CNTN5: variants seen among roughly 807,000 people sequenced by gnomAD.
CNTN5 encodes contactin-5.
Under a neutral mutation model 129.1 loss-of-function variants are expected in CNTN5, and 77 were observed. That is an observed-to-expected ratio of 0.60 (90% CI 0.50 to 0.72). The LOEUF (loss-of-function observed/expected upper bound fraction) is 0.72. Among genes scored for constraint, CNTN5 ranks in the 30% least tolerant of loss-of-function variants. The pLI is 0.00. For missense variants in CNTN5, 1,478 were observed against 1,328.8 expected, an observed-to-expected ratio of 1.11 and a Z score of -1.75; for synonymous variants, 509 against 465.6, an observed-to-expected ratio of 1.09 and a Z score of -1.20.
intron 3 of CNTN5, among the ~76,000 whole-genome samples, chr11:99,725,622 G>A (rs992757276): frequency 6.6e-6 from 1 of 152,114 alleles, no homozygotes; most frequent in African/African-American, 2.4e-5. Context: ...AACTAAATAT[G>A]TTTAGTAAAT....
At chr11:99,380,736 C>G (rs78647322) in intron 2 of CNTN5, among the ~76,000 whole-genome samples, 7,467 of 134,360 alleles carry the variant, frequency 0.056, 403 homozygotes, top group East Asian at 0.21. Flanking sequence ...CCATTGCACT[C>G]CAGCCTGGGC....
At chr11:100,287,178 ACT>A (rs1264686974) in intron 18 of CNTN5, among the ~76,000 whole-genome samples, 2 of 152,332 alleles carry the variant, frequency 1.3e-5, no homozygotes, top group Admixed American at 6.5e-5. Flanking sequence ...GTTGGAAAAC[ACT>A]CTGCAGAATA....
rs1409351946 is a variant in CNTN5 at position 99,440,534 on chromosome 11, G to C, written c.-71+115050G>C. On this transcript the variant is annotated intron_variant, in intron 2 of 24. Coordinates refer to ENST00000524871, the MANE Select transcript of CNTN5 (RefSeq NM_014361.4). ...CAAAGACTTTCAGAATTATTTGTAG[G>C]TTACCTGTTCAGATAGATAATCACT... Among the ~76,000 whole-genome samples, 4 of 152,184 alleles carry C rather than the reference G, an allele frequency of 2.6e-5. No homozygotes were observed. In the East Asian group the frequency reaches 7.7e-4, roughly 29 times the overall value.
At chr11:100,117,169 G>A (rs1227154163) in intron 13 of CNTN5, among the ~76,000 whole-genome samples, 2 of 151,932 alleles carry the variant, frequency 1.3e-5, no homozygotes, top group East Asian at 3.9e-4. Flanking sequence ...TAGATTTTAG[G>A]CAAAAACATT....
At chr11:99,228,397 G>A (rs1299561166) in intron 1 of CNTN5, among the ~76,000 whole-genome samples, 1 of 152,002 alleles carries the variant, frequency 6.6e-6, no homozygotes, top group Non-Finnish European at 1.5e-5. Context: ...ACAGTTAGAA[G>A]AAATAAGTTC....
chr11:99,515,416 A>G, intron 2 of CNTN5, among the ~76,000 whole-genome samples: 1 of 152,188 alleles, frequency 6.6e-6, no homozygotes, highest in African/African-American at 2.4e-5. Context: ...ATAAAAATGC[A>G]TTGTTGTAGT....
intron 3 of CNTN5, among the ~76,000 whole-genome samples, chr11:99,575,914 G>A (rs893407720): frequency 1.3e-5 from 2 of 152,126 alleles, no homozygotes; most frequent in African/African-American, 2.4e-5. Flanking sequence ...AGATTAGAAG[G>A]AACTTCCAAA....
At chr11:99,341,007 C>T (rs1866486654) in intron 2 of CNTN5, among the ~76,000 whole-genome samples, 2 of 152,126 alleles carry the variant, frequency 1.3e-5, no homozygotes, top group South Asian at 2.1e-4. Flanking sequence ...AAAGGTCATA[C>T]TTTGGGTGAC....
chr11:99,957,063 G>T, intron 8 of CNTN5, 54 bp downstream of exon 8: 1 of 1,474,100 alleles, frequency 6.8e-7, no homozygotes, highest in Non-Finnish European at 9.3e-7. Flanking sequence ...GGAAAATAAA[G>T]ATGTATTAGT....
At chr11:99,753,119 C>CTTTTTTTTTTTTTTTTTT (rs375324214) in intron 3 of CNTN5, among the ~76,000 whole-genome samples, 2 of 93,110 alleles carry the variant, frequency 2.1e-5, no homozygotes, top group East Asian at 3.7e-4. Flanking sequence ...GCCATATTTG[C>CTTTTTTTTTTTTTTTTTT]TTTTTTTTTT....
intron 2 of CNTN5, among the ~76,000 whole-genome samples, chr11:99,353,674 A>G (rs1938451019): frequency 6.6e-6 from 1 of 152,158 alleles, no homozygotes; most frequent in South Asian, 2.1e-4. Flanking sequence ...CAGTTCCACT[A>G]ATGAGGATAG....
At chr11:99,056,960 A>G (rs1465985015) in intron 1 of CNTN5, among the ~76,000 whole-genome samples, 1 of 151,948 alleles carries the variant, frequency 6.6e-6, no homozygotes, top group Non-Finnish European at 1.5e-5. Context: ...CTGGCTGCCC[A>G]ACACCACTTT....
intron 1 of CNTN5, among the ~76,000 whole-genome samples, chr11:99,021,732 A>G (rs866944108): frequency 2.0e-5 from 3 of 152,322 alleles, no homozygotes; most frequent in Middle Eastern, 3.4e-3. Flanking sequence ...AACTTGTTAA[A>G]ATTCAGTAGG....
intron 1 of CNTN5, among the ~76,000 whole-genome samples, chr11:99,042,671 G>A (rs1365416934): frequency 2.6e-5 from 4 of 151,874 alleles, no homozygotes; most frequent in Admixed American, 2.0e-4. Flanking sequence ...CACCGCGCCC[G>A]GCCACCTCCC....
At chr11:99,919,665 A>G (rs1949886685) in intron 7 of CNTN5, among the ~76,000 whole-genome samples, 1 of 152,134 alleles carries the variant, frequency 6.6e-6, no homozygotes, top group Non-Finnish European at 1.5e-5. Flanking sequence ...TGGTACATTT[A>G]TATAATTGTG....
intron 1 of CNTN5, among the ~76,000 whole-genome samples, chr11:99,050,465 C>A (rs993521098): frequency 1.3e-5 from 2 of 151,628 alleles, no homozygotes; most frequent in African/African-American, 4.8e-5. Context: ...GAAAAAAATT[C>A]TCCAATATCA....
intron 13 of CNTN5, among the ~76,000 whole-genome samples, chr11:100,169,672 C>T (rs1947765819): frequency 6.6e-6 from 1 of 151,960 alleles, no homozygotes; most frequent in South Asian, 2.1e-4. Context: ...GAAAACAAGA[C>T]ATTTTTGTGA....
At chr11:99,509,747 A>T (rs76895384) in intron 2 of CNTN5, among the ~76,000 whole-genome samples, 8,677 of 152,132 alleles carry the variant, frequency 0.057, 256 homozygotes, top group South Asian at 0.079. Flanking sequence ...AGAAAAAAAG[A>T]GATTATTGAT....
chr11:99,128,984 T>G (rs2135427814), intron 1 of CNTN5, among the ~76,000 whole-genome samples: 1 of 152,200 alleles, frequency 6.6e-6, no homozygotes, highest in East Asian at 1.9e-4. Flanking sequence ...TAAAGATAGA[T>G]AAATCCATGA....
Sources: gnomAD v4.1 joint callset for allele counts (sites outside exome capture counted in the v4.1 genomes callset) on GRCh38, gnomAD v4.1.1 for gene constraint, MANE v1.5 for transcripts, NCBI Gene and HGNC (gene_info 2026-07-23, HGNC 2026-07-21) for gene names.